The following SCLT1 variants were observed in gnomAD, a reference collection of about 807,000 sequenced individuals.
SCLT1 encodes sodium channel-associated protein 1.
In SCLT1, 78 loss-of-function variants were observed where a neutral mutation model predicts 112.8. That is an observed-to-expected ratio of 0.69 (90% CI 0.58 to 0.83). The LOEUF is 0.83. Ranked by LOEUF, SCLT1 falls within the 40% of genes least tolerant of loss-of-function variation. The pLI, the probability that SCLT1 is intolerant of heterozygous loss-of-function variation, is 0.00. For synonymous variants in SCLT1, 257 were observed against 254.7 expected, an observed-to-expected ratio of 1.01 and a Z score of -0.09; for missense variants, 747 against 770.4, an observed-to-expected ratio of 0.97 and a Z score of 0.36.
rs950237274 is a variant in SCLT1, at chr4:128,980,783, AT to A, written c.687-10316del. ...AGCTTCTATTGATTATATTAAAATG[AT>A]TTTTTTTTCCAGGTGTGTTGTTTTG... On this transcript the variant is annotated intron_variant, in intron 9 of 20. Transcript: ENST00000281142. 1.4e-4 allele frequency among the ~76,000 whole-genome samples: 22 copies of A among 151,828 alleles called. No individual in the cohort carries two copies. In the East Asian group the frequency reaches 1.9e-3, roughly 13 times the overall value.
intron 10 of SCLT1, among the ~76,000 whole-genome samples, chr4:128,966,873 T>C (rs1233976931): frequency 6.6e-6 from 1 of 152,068 alleles, no homozygotes; most frequent in Non-Finnish European, 1.5e-5. Context: ...CCAGCCTTTA[T>C]TTTTGATTCA....
chr4:129,068,588 T>G (rs528868140), intron 2 of SCLT1, among the ~76,000 whole-genome samples: 1 of 152,332 alleles, frequency 6.6e-6, no homozygotes, highest in South Asian at 2.1e-4. Context: ...GAATTGTCTA[T>G]TCAGGTCCTT....
At chr4:128,892,307 T>C (rs1733391976) in intron 18 of SCLT1, among the ~76,000 whole-genome samples, 1 of 152,248 alleles carries the variant, frequency 6.6e-6, no homozygotes, top group South Asian at 2.1e-4. Flanking sequence ...ATCAATGACA[T>C]TCAAAGCTTT....
intron 9 of SCLT1, among the ~76,000 whole-genome samples, chr4:128,980,201 G>A (rs1241012752): frequency 1.3e-5 from 2 of 152,100 alleles, no homozygotes; most frequent in East Asian, 3.9e-4. Context: ...CAAAACTAGT[G>A]ATCCATGAAT....
intron 5 of SCLT1, among the ~76,000 whole-genome samples, chr4:129,010,198 T>G (rs1744396867): frequency 6.6e-6 from 1 of 152,148 alleles, no homozygotes; most frequent in African/African-American, 2.4e-5. Context: ...TTGCTTGAGT[T>G]AGGTTTGTCG....
chr4:129,068,518 T>C (rs1750695970), intron 2 of SCLT1, among the ~76,000 whole-genome samples: 1 of 152,224 alleles, frequency 6.6e-6, no homozygotes, highest in Admixed American at 6.5e-5. Context: ...TCTGTATATC[T>C]TCTTTTGAGA....
Position 129,054,612 on chromosome 4 carries a change from G to T in SCLT1, c.103-10561C>A, listed in dbSNP as rs985275143. Among the ~76,000 whole-genome samples the T allele has an allele frequency of 3.3e-5, 5 of 151,940 alleles. 1 individual carries two copies. The highest frequency in any genetic ancestry group is 7.4e-5 in the Non-Finnish European group (5 of 67,974). ...TTTTCAGCTCTGTCAGGTCATTTAC[G>T]TTCTTCTCTAAACTGGTTATTATAG... On this transcript the variant is annotated intron_variant, in intron 2 of 20. Coordinates refer to ENST00000281142, the MANE Select transcript of SCLT1 (RefSeq NM_144643.4).
intron 6 of SCLT1, among the ~76,000 whole-genome samples, chr4:129,001,129 G>A (rs1404846788): frequency 2.0e-5 from 3 of 151,892 alleles, no homozygotes; most frequent in African/African-American, 4.8e-5. Context: ...TAAAATGGTC[G>A]TAAAAATGCC....
chr4:128,924,378 C>T (rs947719270), intron 18 of SCLT1, among the ~76,000 whole-genome samples: 3 of 152,080 alleles, frequency 2.0e-5, no homozygotes, highest in East Asian at 1.9e-4. Flanking sequence ...AAGCAATTCT[C>T]GCTCTTCAGC....
chr4:128,873,370 C>G (rs993691136), intron 5 of SCLT1: 2 of 152,068 alleles, frequency 1.3e-5, no homozygotes, highest in Non-Finnish European at 2.9e-5. Flanking sequence ...GCGATAAGCT[C>G]TTACTATTGA....
intron 15 of SCLT1, among the ~76,000 whole-genome samples, chr4:128,948,188 T>G (rs906519384): frequency 1.3e-5 from 2 of 151,432 alleles, no homozygotes; most frequent in African/African-American, 4.8e-5. Context: ...ACAAAAAAAG[T>G]AGCCAGGCAT....
chr4:128,961,577 C>T (rs186032685), intron 11 of SCLT1, among the ~76,000 whole-genome samples: 2 of 152,258 alleles, frequency 1.3e-5, no homozygotes, highest in East Asian at 3.9e-4. Context: ...ATTCTCCCCA[C>T]TAACCACATC....
chr4:129,077,996 A>G (rs1241849516), intron 2 of SCLT1, among the ~76,000 whole-genome samples: 1 of 152,174 alleles, frequency 6.6e-6, no homozygotes, highest in African/African-American at 2.4e-5. Flanking sequence ...TGGGGATGGG[A>G]GTCTGGAAAC....
chr4:128,901,584 C>T (rs178535), intron 18 of SCLT1, among the ~76,000 whole-genome samples: 10 of 151,410 alleles, frequency 6.6e-5, no homozygotes, highest in Non-Finnish European at 8.8e-5. Flanking sequence ...TGATGAGTTA[C>T]TGGGTGCAGC....
intron 11 of SCLT1, among the ~76,000 whole-genome samples, chr4:128,962,048 T>C (rs1452999780): frequency 2.6e-5 from 4 of 152,204 alleles, no homozygotes; most frequent in Non-Finnish European, 5.9e-5. Context: ...TGCAATATTA[T>C]ACAGATCCAG....
At chr4:129,064,765 T>C (rs1282662070) in intron 2 of SCLT1, among the ~76,000 whole-genome samples, 2 of 152,310 alleles carry the variant, frequency 1.3e-5, no homozygotes, top group East Asian at 3.9e-4. Flanking sequence ...AGCATACTGT[T>C]AAATTTCAAA....
downstream of SCLT1, among the ~76,000 whole-genome samples, chr4:128,883,161 A>AC (rs1732684535): frequency 3.3e-5 from 5 of 150,344 alleles, no homozygotes; most frequent in African/African-American, 1.2e-4. Context: ...CAACAACAAA[A>AC]AAAAAAAAAA....
rs149085610 is a variant in SCLT1 at position 128,895,581 on chromosome 4, C to G, written c.1830-4444G>C. Among the ~76,000 whole-genome samples, 60 of 152,322 alleles carry G rather than the reference C, an allele frequency of 3.9e-4. 1 individual carries two copies. Among genetic ancestry groups the G allele is most frequent in the African/African-American group, 1.3e-3 (55 of 41,578 alleles). On this transcript the variant is annotated intron_variant, in intron 18 of 20. Transcript: ENST00000281142. ...TGAAGCCAAGATGGCTGAATAGGAA[C>G]AGCTCCAGTCTACAGCTCCCAGCAT...
At chr4:128,949,145 C>A (rs1403350787) in intron 14 of SCLT1, among the ~76,000 whole-genome samples, 1 of 149,078 alleles carries the variant, frequency 6.7e-6, no homozygotes, top group African/African-American at 2.5e-5. Flanking sequence ...ACAAAAAAAT[C>A]ATAATTATTA....
Sources: allele counts gnomAD v4.1 joint callset (sites outside exome capture counted in the v4.1 genomes callset), GRCh38; gene constraint gnomAD v4.1.1; transcripts MANE v1.5; gene names NCBI Gene and HGNC (gene_info 2026-07-23, HGNC 2026-07-21).